The following MEGF6 variants were observed in gnomAD, a reference collection of about 807,000 sequenced individuals.
MEGF6 encodes the protein multiple epidermal growth factor-like domains protein 6.
Under a neutral mutation model 207.1 loss-of-function variants are expected in MEGF6, and 184 were observed. The observed-to-expected ratio is 0.89, with a 90% CI of 0.79 to 1.00. The LOEUF is 1.00. Ranked by LOEUF, MEGF6 falls within the 50% of genes least tolerant of loss-of-function variation. The pLI is 0.00. For synonymous variants in MEGF6, 1,038 were observed against 910.0 expected, an observed-to-expected ratio of 1.14 and a Z score of -2.53; for missense variants, 2,282 against 2,202.9, an observed-to-expected ratio of 1.04 and a Z score of -0.72.
At chr1:3,577,438 C>T (rs1643673389) in intron 4 of MEGF6, among the ~76,000 whole-genome samples, 1 of 152,250 alleles carries the variant, frequency 6.6e-6, no homozygotes. Context: ...TGGCTTCAGC[C>T]CCAACTAGGC....
At chr1:3,529,227 G>GC (rs1642065971) in intron 4 of MEGF6, among the ~76,000 whole-genome samples, 4 of 152,176 alleles carry the variant, frequency 2.6e-5, no homozygotes, top group Admixed American at 2.6e-4. Flanking sequence ...GGAAGCACTG[G>GC]CCCCCGAGAC....
chr1:3,491,133 G>GA (rs1409787694), intron 35 of MEGF6, among the ~76,000 whole-genome samples, 174 bp from the exon 36 acceptor site: 1 of 151,894 alleles, frequency 6.6e-6, no homozygotes, highest in Non-Finnish European at 1.5e-5. Flanking sequence ...GGAGCTGGGG[G>GA]GGGGGGCTCT....
chr1:3,607,144 C>T (rs1011977992), intron 1 of MEGF6, among the ~76,000 whole-genome samples: 1 of 151,968 alleles, frequency 6.6e-6, no homozygotes, highest in Non-Finnish European at 1.5e-5. Flanking sequence ...TTGTCCTTCC[C>T]GGCCCTCCTC....
intron 14 of MEGF6, among the ~76,000 whole-genome samples, chr1:3,506,989 G>A (rs952069862): frequency 6.6e-6 from 1 of 152,226 alleles, no homozygotes; most frequent in African/African-American, 2.4e-5. Context: ...TCCCAGGGGT[G>A]CAGCACCCAG....
At chr1:3,563,798 G>T (rs1212937744) in intron 4 of MEGF6, among the ~76,000 whole-genome samples, 1 of 152,168 alleles carries the variant, frequency 6.6e-6, no homozygotes, top group African/African-American at 2.4e-5. Flanking sequence ...AGACGGAGAG[G>T]CTGGCACAGA....
At chr1:3,583,142 G>T (rs549375910) in intron 3 of MEGF6, among the ~76,000 whole-genome samples, 4 of 152,272 alleles carry the variant, frequency 2.6e-5, no homozygotes, top group Admixed American at 2.6e-4. Context: ...CCCAAGGGGT[G>T]GAAAAATACT....
At chr1:3,618,262 C>T in the MEGF6 span, among the ~76,000 whole-genome samples, 5 of 152,286 alleles carry the variant, frequency 3.3e-5, no homozygotes, top group South Asian at 2.1e-4. The surrounding 1 kb of genome is among the most constrained non-coding windows in gnomAD (Gnocchi z 4.7). Flanking sequence ...GAACCAGAAC[C>T]GACACACAGT....
At chr1:3,540,519 C>T (rs1642482758) in intron 4 of MEGF6, among the ~76,000 whole-genome samples, 1 of 152,352 alleles carries the variant, frequency 6.6e-6, no homozygotes, top group East Asian at 1.9e-4. Flanking sequence ...ACCACACCTC[C>T]ATCTCTTTCC....
chr1:3,597,402 C>T (rs6690231), intron 2 of MEGF6, among the ~76,000 whole-genome samples: 7,898 of 152,198 alleles, frequency 0.052, 687 homozygotes, highest in African/African-American at 0.18. Flanking sequence ...GCAAGACAGA[C>T]GGCCACCTGT....
At chr1:3,541,876 T>C (rs1218534926) in intron 4 of MEGF6, among the ~76,000 whole-genome samples, 1 of 152,008 alleles carries the variant, frequency 6.6e-6, no homozygotes, top group Non-Finnish European at 1.5e-5. Context: ...CTCACCCCCT[T>C]ACAGCAGGTC....
chr1:3,512,239 G>GGC, intron 7 of MEGF6, 111 bp from the exon 8 acceptor site: 1 of 1,407,308 alleles, frequency 7.1e-7, no homozygotes, highest in East Asian at 2.4e-5. Flanking sequence ...GTGGCCGCAT[G>GGC]ACACAGGCAT....
At chr1:3,623,608 G>T in the MEGF6 span, 1 of 152,284 alleles carries the variant, frequency 6.6e-6, no homozygotes, top group African/African-American at 2.4e-5. Flanking sequence ...CTGTTTTGTA[G>T]TGCACCCGCT....
At position 3,595,333 on chromosome 1, in the gene MEGF6, C is replaced by T. The variant is rs1282142984; in HGVS notation, c.376+5G>A. The T allele has an allele frequency of 6.2e-7, 1 of 1,608,224 alleles. No individual in the cohort carries two copies. Among genetic ancestry groups the T allele is most frequent in the African/African-American group, 1.3e-5 (1 of 74,814 alleles). On this transcript the variant is annotated splice_donor_5th_base_variant and intron_variant, in intron 3 of 36. Transcript: ENST00000356575. ...GGAGGGCGGGGAGGCGCAGGCGGCA[C>T]TCACCCGAGAGGCAGCCCTCCTCGT...
chr1:3,607,513 C>T (rs1199724899), intron 1 of MEGF6, among the ~76,000 whole-genome samples: 1 of 152,202 alleles, frequency 6.6e-6, no homozygotes, highest in African/African-American at 2.4e-5. Context: ...GACTTCAGCA[C>T]TGCACACACG....
In MEGF6 at chr1:3,489,526, G is replaced by T. The variant is rs576086087; in HGVS notation, c.*1002C>A. 6.6e-4 allele frequency among the ~76,000 whole-genome samples: 100 copies of T among 152,270 alleles called. 1 individual carries two copies. Among genetic ancestry groups the T allele is most frequent in the African/African-American group, 2.4e-3 (98 of 41,562 alleles). On this transcript the variant is annotated 3_prime_UTR_variant, in exon 37 of 37. Transcript: ENST00000356575. Reference sequence around the variant, plus strand: ...CTCAGCCCATGAGTGCCAGGTGCTCGGGAGGGCTGGTCTGTCCTCACCCAG... The same window carrying T: ...CTCAGCCCATGAGTGCCAGGTGCTCTGGAGGGCTGGTCTGTCCTCACCCAG...
At chr1:3,508,814 C>T (rs1341331079) in intron 12 of MEGF6, 125 bp from the exon 13 acceptor site, 1 of 1,279,140 alleles carries the variant, frequency 7.8e-7, no homozygotes, top group Non-Finnish European at 1.1e-6. Flanking sequence ...ATGAGGGCCC[C>T]CAAAGGGTGA....
chr1:3,599,644 C>T (rs1644127710), intron 2 of MEGF6, among the ~76,000 whole-genome samples: 1 of 152,226 alleles, frequency 6.6e-6, no homozygotes, highest in Admixed American at 6.5e-5. Flanking sequence ...CACCAGTCAC[C>T]CAGTCGTGTG....
chr1:3,498,746 C>A lies in MEGF6; in HGVS notation c.3175G>T (p.Gly1059Cys). The change falls in exon 25 of 37, where the codon GGC becomes TGC. Residue 1059 changes from glycine to cysteine, a missense_variant. By Grantham distance (159) the Gly-to-Cys change is radical. Coordinates refer to ENST00000356575, the MANE Select transcript of MEGF6 (RefSeq NM_001409.4). ...QNGGTCDPVS[G>C]HCACPEGWAG... is the part of the protein sequence containing the mutation. ...CAGCCCTCTGGGCACGCACAGTGGC[C>A]TGAGACAGGGTCACAGGTCCCTCCG... The A allele has an allele frequency of 6.4e-7, 1 of 1,564,432 alleles. No homozygotes were observed. Among genetic ancestry groups the A allele is most frequent in the Middle Eastern group, 1.7e-4 (1 of 5,990 alleles).
chr1:3,491,993 G>T (rs12068558), intron 35 of MEGF6, among the ~76,000 whole-genome samples: 32,137 of 151,732 alleles, frequency 0.21, 5,641 homozygotes, highest in African/African-American at 0.47. Context: ...TTGCGCAGAC[G>T]CACTGGCTAC....
Sources: gnomAD v4.1 joint callset for allele counts (sites outside exome capture counted in the v4.1 genomes callset) on GRCh38, gnomAD v4.1.1 for gene constraint, Gnocchi (gnomAD v3.1) non-coding constraint, MANE v1.5 for transcripts, NCBI Gene and HGNC (gene_info 2026-07-23, HGNC 2026-07-21) for gene names.